NET1: variants seen among roughly 807,000 people sequenced by gnomAD.
NET1 encodes the protein neuroepithelial cell-transforming gene 1 protein.
NET1 carries 42 observed loss-of-function variants against 61.1 expected under a neutral mutation model. The observed-to-expected ratio is 0.69, with a 90% CI of 0.54 to 0.89. NET1 has a LOEUF of 0.89. Ranked by LOEUF, NET1 falls within the 40% of genes least tolerant of loss-of-function variation. The pLI, the probability that NET1 is intolerant of heterozygous loss-of-function variation, is 0.00. For missense variants in NET1, 654 were observed against 747.3 expected (o/e 0.88, Z 1.46); for synonymous variants, 254 against 281.8 (o/e 0.90, Z 0.99).
chr10:5,414,977 A>G (rs982355414), intron 1 of NET1, among the ~76,000 whole-genome samples: 1 of 152,238 alleles, frequency 6.6e-6, no homozygotes, highest in Non-Finnish European at 1.5e-5. Context: ...GGAGAGTGAG[A>G]CACAGTTAGA....
rs1470944748 is a variant in NET1, at chr10:5,422,737, CAT to C, written c.129-3916_129-3915del. ...GAGAAAACCCTAGTATGATAGGAGA[CAT>C]AGTCTACATGATTGTCAGAAGTGGA... On this transcript the variant is annotated intron_variant, in intron 1 of 11. Transcript: ENST00000355029. This position sits in a 1 kb window ranked among gnomAD's most constrained non-coding sequence, Gnocchi z 4.1. Among the ~76,000 whole-genome samples, 1 of 152,140 alleles carries C rather than the reference CAT, an allele frequency of 6.6e-6. No homozygotes were observed. The highest frequency in any genetic ancestry group is 2.4e-5 in the African/African-American group (1 of 41,442).
chr10:5,456,032 T>C lies in NET1; in HGVS notation c.1198-55T>C. The C allele has an allele frequency of 6.7e-7, 1 of 1,482,706 alleles. No homozygotes were observed. The highest frequency in any genetic ancestry group is 1.3e-5 in the South Asian group (1 of 79,250). The allele number at this position is 1,482,706 out of a possible 1,614,324, so 91.8% of individuals were successfully genotyped here. On this transcript the variant is annotated intron_variant, in intron 10 of 11. Coordinates refer to ENST00000355029, the MANE Select transcript of NET1 (RefSeq NM_001047160.3). The surrounding 1 kb of genome is among the most constrained non-coding windows in gnomAD (Gnocchi z 7.0). ...TGTCGAGTTATTTTAGCAATATATT[T>C]CAGTCACTTAAAAACACAAGTTTCC... is the stretch of plus-strand genomic sequence containing the variant.
rs1195036233 is a variant in NET1 at position 5,453,026 on chromosome 10, T to C, written c.594+106T>C. On this transcript the variant is annotated intron_variant, in intron 6 of 11. Coordinates refer to ENST00000355029, the MANE Select transcript of NET1 (RefSeq NM_001047160.3). The surrounding 1 kb of genome is among the most constrained non-coding windows in gnomAD (Gnocchi z 4.9). ...TTTAGAAGTAGAAGAATAGAAAATA[T>C]CTACTGGTGAATACATTTTTTTTAG... The C allele has an allele frequency of 7.1e-6, 6 of 842,608 alleles. No homozygotes were observed. Among genetic ancestry groups the C allele is most frequent in the African/African-American group, 6.8e-5 (4 of 58,422 alleles). The allele number at this position is 842,608 out of a possible 1,614,324, so 52.2% of individuals were successfully genotyped here.
Position 5,453,616 on chromosome 10 carries a change from A to G in NET1, c.768+56A>G. On this transcript the variant is annotated intron_variant, in intron 8 of 11. Transcript: ENST00000355029. The surrounding 1 kb of genome is among the most constrained non-coding windows in gnomAD (Gnocchi z 4.9). The stretch of plus-strand genomic sequence containing the variant: ...GTTTCTTACAGATGTGCCATGTTGC[A>G]GTTTCTGATGAATATGAGACAGATT... 2 of 1,452,072 alleles carry G rather than the reference A, an allele frequency of 1.4e-6. No homozygotes were observed. Among genetic ancestry groups the G allele is most frequent in the Non-Finnish European group, 1.9e-6 (2 of 1,032,232 alleles). 89.9% of individuals were successfully genotyped at this position (1,452,072 alleles called of 1,614,324 possible).
intron 3 of NET1, among the ~76,000 whole-genome samples, chr10:5,448,857 C>T (rs1030782125): frequency 1.7e-4 from 26 of 152,112 alleles, no homozygotes; most frequent in Admixed American, 9.2e-4. Flanking sequence ...ACTCCCCCTT[C>T]ATCACCTCCA....
chr10:5,422,227 C>T lies in NET1; in HGVS notation c.129-4428C>T, dbSNP rs1043908031. On this transcript the variant is annotated intron_variant, in intron 1 of 11. Coordinates refer to ENST00000355029, the MANE Select transcript of NET1 (RefSeq NM_001047160.3). The surrounding 1 kb of genome is among the most constrained non-coding windows in gnomAD (Gnocchi z 4.1). The stretch of plus-strand genomic sequence containing the variant: ...TGGCGTGCCCCTGTAATCCTAGCTA[C>T]TCGGGAGATTGAGGCAGGAGAATCG... Among the ~76,000 whole-genome samples the T allele has an allele frequency of 6.6e-6, 1 of 151,996 alleles. No homozygotes were observed. Among genetic ancestry groups the T allele is most frequent in the African/African-American group, 2.4e-5 (1 of 41,374 alleles).
At chr10:5,434,886 A>G (rs952517514) in intron 3 of NET1, among the ~76,000 whole-genome samples, 1 of 152,122 alleles carries the variant, frequency 6.6e-6, no homozygotes, top group East Asian at 1.9e-4. Flanking sequence ...AATTATATAT[A>G]AAATATTAAT....
rs1346263428 is a variant in NET1 at position 5,421,094 on chromosome 10, A to G, written c.129-5561A>G. Among the ~76,000 whole-genome samples the G allele has an allele frequency of 6.6e-6, 1 of 152,224 alleles. No homozygotes were observed. Among genetic ancestry groups the G allele is most frequent in the East Asian group, 1.9e-4 (1 of 5,200 alleles). On this transcript the variant is annotated intron_variant, in intron 1 of 11. Transcript: ENST00000355029. This position sits in a 1 kb window ranked among gnomAD's most constrained non-coding sequence, Gnocchi z 4.2. ...AGACTAGAACCCATAGACAAAGAGT[A>G]ACGTTTAAAGATTTTAGGCATTAAA...
chr10:5,452,025 TTG>T lies in NET1; in HGVS notation c.363+89_363+90del. The T allele has an allele frequency of 1.0e-6, 1 of 964,472 alleles. No homozygotes were observed. The highest frequency in any genetic ancestry group is 1.6e-6 in the Non-Finnish European group (1 of 640,794). 59.7% of individuals were successfully genotyped at this position (964,472 alleles called of 1,614,324 possible). ...TTGTCTTTGAGCTGTACAAACAAGT[TTG>T]CATTATTATATTTAAACATAGTTTT... On this transcript the variant is annotated intron_variant, in intron 4 of 11. Coordinates refer to ENST00000355029, the MANE Select transcript of NET1 (RefSeq NM_001047160.3). The surrounding 1 kb of genome is among the most constrained non-coding windows in gnomAD (Gnocchi z 4.0).
rs117633996 is a variant in NET1 at position 5,423,524 on chromosome 10, T to G, written c.129-3131T>G. 7.0e-3 allele frequency among the ~76,000 whole-genome samples: 1,062 copies of G among 152,304 alleles called. 9 individuals carry two copies. The highest frequency in any genetic ancestry group is 0.031 in the Middle Eastern group (9 of 294). On this transcript the variant is annotated intron_variant, in intron 1 of 11. Transcript: ENST00000355029. The surrounding 1 kb of genome is among the most constrained non-coding windows in gnomAD (Gnocchi z 4.4). ...ACAGGAGTCAAATCGGGAACTTAATTTAATACACTAAGCTAATTCCTTAAT... is the reference window on the plus strand; with the variant it reads ...ACAGGAGTCAAATCGGGAACTTAATGTAATACACTAAGCTAATTCCTTAAT...
At position 5,441,273 on chromosome 10, in the gene NET1, C is replaced by T. The variant is rs1213572019; in HGVS notation, c.256-10557C>T. On this transcript the variant is annotated intron_variant, in intron 3 of 11. Coordinates refer to ENST00000355029, the MANE Select transcript of NET1 (RefSeq NM_001047160.3). This position sits in a 1 kb window ranked among gnomAD's most constrained non-coding sequence, Gnocchi z 4.6. Reference sequence around the variant, plus strand: ...CTACACATGTGCATGTGCCACACAGCAGCATCCAAGAAGCCCAGGGTGGAA... The same window carrying T: ...CTACACATGTGCATGTGCCACACAGTAGCATCCAAGAAGCCCAGGGTGGAA... Among the ~76,000 whole-genome samples the T allele has an allele frequency of 6.6e-6, 1 of 152,232 alleles. No individual in the cohort carries two copies. Among genetic ancestry groups the T allele is most frequent in the Non-Finnish European group, 1.5e-5 (1 of 68,030 alleles).
rs1179107172 is a variant in NET1 at position 5,458,613 on chromosome 10, G to A, written c.*1619G>A. 1 of 152,586 alleles carries A rather than the reference G, an allele frequency of 6.6e-6. No homozygotes were observed. The highest frequency in any genetic ancestry group is 1.5e-5 in the Non-Finnish European group (1 of 68,036). 9.5% of individuals were successfully genotyped at this position (152,586 alleles called of 1,614,324 possible). ...TCATTGATGAATCAGCGAAAGGTAG[G>A]TAAGTCTTGTGTTAGGAAATCTTTT... On this transcript the variant is annotated 3_prime_UTR_variant, in exon 12 of 12. Transcript: ENST00000355029. This position sits in a 1 kb window ranked among gnomAD's most constrained non-coding sequence, Gnocchi z 4.5.
intron 1 of NET1, among the ~76,000 whole-genome samples, chr10:5,413,913 A>G (rs1207852493): frequency 1.3e-5 from 2 of 152,208 alleles, no homozygotes; most frequent in Non-Finnish European, 2.9e-5. Flanking sequence ...AATTATTATA[A>G]TATGTGATAA....
At position 5,446,647 on chromosome 10, in the gene NET1, G is replaced by C. The variant is rs1055305620; in HGVS notation, c.256-5183G>C. ...CCACCGCGGCGAGAGGCATGGGCAC[G>C]TGGCTGCCGAGGGTGGCCGAGCTCT... is the stretch of plus-strand genomic sequence containing the variant. On this transcript the variant is annotated intron_variant, in intron 3 of 11. Coordinates refer to ENST00000355029, the MANE Select transcript of NET1 (RefSeq NM_001047160.3). This position sits in a 1 kb window ranked among gnomAD's most constrained non-coding sequence, Gnocchi z 5.0. The C allele has an allele frequency of 5.4e-6, 7 of 1,303,198 alleles. No individual in the cohort carries two copies. In the South Asian group the frequency reaches 1.3e-4, roughly 24 times the overall value. The allele number at this position is 1,303,198 out of a possible 1,614,324, so 80.7% of individuals were successfully genotyped here. A position where few individuals can be genotyped will look rare whatever the true frequency, so the allele number is the denominator to read the frequency against.
chr10:5,457,620 T>A lies in NET1; in HGVS notation c.*626T>A, dbSNP rs1832827681. ...TTTAATTTTTTTATTGTAAAGTAGT[T>A]TTTAGCATTTGCTTTTATTTTTTTA... is the stretch of plus-strand genomic sequence containing the variant. On this transcript the variant is annotated 3_prime_UTR_variant, in exon 12 of 12. Transcript: ENST00000355029. This position sits in a 1 kb window ranked among gnomAD's most constrained non-coding sequence, Gnocchi z 5.4. 6.6e-6 allele frequency: 1 copy of A among 152,598 alleles called. No homozygotes were observed. The highest frequency in any genetic ancestry group is 2.4e-5 in the African/African-American group (1 of 41,440). The allele number at this position is 152,598 out of a possible 1,614,324, so 9.5% of individuals were successfully genotyped here. A position where few individuals can be genotyped will look rare whatever the true frequency, so the allele number is the denominator to read the frequency against.
rs893930484 is a variant in NET1, at chr10:5,454,608, C to G, written c.1026+86C>G. The stretch of plus-strand genomic sequence containing the variant: ...ACGTTATCTTCTGAAGATGCTGATT[C>G]ACATCAGCATAGTGAATTGTTTTGT... On this transcript the variant is annotated intron_variant, in intron 9 of 11. Coordinates refer to ENST00000355029, the MANE Select transcript of NET1 (RefSeq NM_001047160.3). The surrounding 1 kb of genome is among the most constrained non-coding windows in gnomAD (Gnocchi z 8.1). 1.4e-5 allele frequency: 19 copies of G among 1,406,950 alleles called. No homozygotes were observed. The highest frequency in any genetic ancestry group is 1.6e-5 in the Non-Finnish European group (16 of 1,029,074). 87.2% of individuals were successfully genotyped at this position (1,406,950 alleles called of 1,614,324 possible). A position where few individuals can be genotyped will look rare whatever the true frequency, so the allele number is the denominator to read the frequency against.
rs1406233040 is a variant in NET1, at chr10:5,457,117, T to C, written c.*123T>C. On this transcript the variant is annotated 3_prime_UTR_variant, in exon 12 of 12. Coordinates refer to ENST00000355029, the MANE Select transcript of NET1 (RefSeq NM_001047160.3). This position sits in a 1 kb window ranked among gnomAD's most constrained non-coding sequence, Gnocchi z 5.4. ...ACCAGTTGTAACATTTTCATTGTTT[T>C]TGGTTGTTCTTTTTTCTTTTTTTAA... 1 of 979,478 alleles carries C rather than the reference T, an allele frequency of 1.0e-6. No homozygotes were observed. Among genetic ancestry groups the C allele is most frequent in the Non-Finnish European group, 1.4e-6 (1 of 719,894 alleles). 60.7% of individuals were successfully genotyped at this position (979,478 alleles called of 1,614,324 possible). A position where few individuals can be genotyped will look rare whatever the true frequency, so the allele number is the denominator to read the frequency against.
At position 5,456,542 on chromosome 10, in the gene NET1, CT is replaced by C. The variant is rs34835129; in HGVS notation, c.1385-39del. On this transcript the variant is annotated intron_variant, in intron 11 of 11. Transcript: ENST00000355029. This position sits in a 1 kb window ranked among gnomAD's most constrained non-coding sequence, Gnocchi z 7.0. ...TATGACCACTTTGTCTAGAATAAAC[CT>C]TTTTTTAGCCTGATTTCTTTTTTTT... 5 of 1,503,620 alleles carry C rather than the reference CT, an allele frequency of 3.3e-6. No homozygotes were observed. The highest frequency in any genetic ancestry group is 2.3e-5 in the Admixed American group (1 of 43,578). The allele number at this position is 1,503,620 out of a possible 1,614,324, so 93.1% of individuals were successfully genotyped here.
intron 2 of NET1, 98 bp from the exon 3 acceptor site, chr10:5,429,072 C>CT: frequency 1.1e-6 from 1 of 921,656 alleles, no homozygotes. Flanking sequence ...AAAGGCTTAA[C>CT]TTTTTTAAAT....
Sources: allele counts gnomAD v4.1 joint callset (sites outside exome capture counted in the v4.1 genomes callset), GRCh38; gene constraint gnomAD v4.1.1; non-coding constraint Gnocchi (gnomAD v3.1); transcripts MANE v1.5; gene names NCBI Gene and HGNC (gene_info 2026-07-23, HGNC 2026-07-21).